Variants in LHFPL2 observed in about 807,000 individuals in gnomAD.
The protein encoded by LHFPL2 is LHFPL tetraspan subfamily member 2 protein.
Under a neutral mutation model 17.5 loss-of-function variants are expected in LHFPL2, and 7 were observed. The observed-to-expected ratio is 0.40, with a 90% confidence interval of 0.23 to 0.75. The LOEUF is 0.75. LHFPL2 is among the 30% of genes least tolerant of loss of function. LHFPL2 has a pLI of 0.37. For synonymous variants in LHFPL2, 134 were observed against 116.2 expected (o/e 1.15, Z -0.99); for missense variants, 241 against 294.8 (o/e 0.82, Z 1.34).
chr5:78,646,679 T>C (rs544400867), intron 1 of LHFPL2, among the ~76,000 whole-genome samples: 11 of 152,206 alleles, frequency 7.2e-5, no homozygotes, highest in Non-Finnish European at 8.8e-5. Context: ...GTTTTTTATA[T>C]ATTGTTTTTC....
chr5:78,638,532 T>G (rs534667565), intron 1 of LHFPL2, among the ~76,000 whole-genome samples: 19 of 152,330 alleles, frequency 1.2e-4, no homozygotes, highest in African/African-American at 4.3e-4. Flanking sequence ...TACCATGGAA[T>G]GCTGGCTCTT....
At chr5:78,570,118 C>CTT (rs531642334) in intron 2 of LHFPL2, among the ~76,000 whole-genome samples, 5 of 152,186 alleles carry the variant, frequency 3.3e-5, no homozygotes, top group Non-Finnish European at 7.3e-5. Context: ...GAGAACAAAA[C>CTT]TAATTCTAGC....
At chr5:78,610,908 CA>C (rs33938439) in intron 2 of LHFPL2, among the ~76,000 whole-genome samples, 60,866 of 143,654 alleles carry the variant, frequency 0.42, 12,374 homozygotes, top group Middle Eastern at 0.5. Flanking sequence ...AGACCATAAG[CA>C]AAAAAAAAAA....
chr5:78,505,316 A>G (rs1371192078), intron 4 of LHFPL2, among the ~76,000 whole-genome samples: 1 of 152,182 alleles, frequency 6.6e-6, no homozygotes, highest in African/African-American at 2.4e-5. Context: ...TGCCTCTGCC[A>G]AGTCCTTGGA....
At chr5:78,535,922 C>T (rs144347758) in intron 3 of LHFPL2, among the ~76,000 whole-genome samples, 1 of 152,306 alleles carries the variant, frequency 6.6e-6, no homozygotes, top group African/African-American at 2.4e-5. Flanking sequence ...TTCTGAGCAT[C>T]AGAATAACTG....
At chr5:78,509,715 A>T in intron 4 of LHFPL2, 69 bp downstream of exon 4, 6 of 1,488,950 alleles carry the variant, frequency 4.0e-6, no homozygotes, top group Non-Finnish European at 5.5e-6. Flanking sequence ...AATGCCCAGT[A>T]CCAGAGTGCG....
chr5:78,489,028 A>C lies in LHFPL2; in HGVS notation c.556T>G (p.Tyr186Asp), dbSNP rs1309653506. ...AGGACTGTGCCCCCAATGGCGGTATAAAAGGCCCAGCCCAAGGAGCAGTCT... is the reference window on the plus strand; with the variant it reads ...AGGACTGTGCCCCCAATGGCGGTATCAAAGGCCCAGCCCAAGGAGCAGTCT... ...PGDCSLGWAF[Y>D]TAIGGTVLTF... The change falls in exon 5 of 5, where the codon TAT (tyrosine) becomes GAT (aspartate). Residue 186 changes from tyrosine to aspartate, a missense_variant. Coordinates refer to ENST00000380345, the MANE Select transcript of LHFPL2 (RefSeq NM_005779.3). 6.2e-7 allele frequency: 1 copy of C among 1,614,132 alleles called. No individual in the cohort carries two copies.
chr5:78,645,543 T>TACAC (rs56911011), intron 1 of LHFPL2, among the ~76,000 whole-genome samples: 1,491 of 137,268 alleles, frequency 0.011, 7 homozygotes, highest in Middle Eastern at 0.015. Context: ...GACAGATGCA[T>TACAC]ACACACACAC....
intron 3 of LHFPL2, among the ~76,000 whole-genome samples, chr5:78,522,668 G>T (rs1755492812): frequency 6.6e-6 from 1 of 152,168 alleles, no homozygotes. Context: ...GACAATGGGG[G>T]TGGAGAGGGA....
chr5:78,573,585 C>A (rs1757057676), intron 2 of LHFPL2, among the ~76,000 whole-genome samples: 1 of 152,120 alleles, frequency 6.6e-6, no homozygotes, highest in South Asian at 2.1e-4. Context: ...AACAGAGGGA[C>A]CTGTAAGTTT....
chr5:78,530,451 C>T (rs1206290890), intron 3 of LHFPL2, among the ~76,000 whole-genome samples: 1 of 152,182 alleles, frequency 6.6e-6, no homozygotes, highest in Non-Finnish European at 1.5e-5. Flanking sequence ...TGTCTACACA[C>T]GGAACAGGGT....
chr5:78,531,824 T>C (rs1755792256), intron 3 of LHFPL2, among the ~76,000 whole-genome samples: 1 of 152,070 alleles, frequency 6.6e-6, no homozygotes, highest in Non-Finnish European at 1.5e-5. Flanking sequence ...ACAAGTGGTA[T>C]GATCTCGGCT....
chr5:78,612,013 G>A (rs897281751), intron 2 of LHFPL2, among the ~76,000 whole-genome samples: 2 of 151,808 alleles, frequency 1.3e-5, no homozygotes, highest in African/African-American at 4.9e-5. Flanking sequence ...CCGAAACAAC[G>A]AAACAACTAT....
At chr5:78,584,879 C>T (rs533346389) in intron 2 of LHFPL2, among the ~76,000 whole-genome samples, 1 of 152,274 alleles carries the variant, frequency 6.6e-6, no homozygotes, top group Admixed American at 6.5e-5. Flanking sequence ...ACCCCTCCCC[C>T]AGCCTCGCTG....
chr5:78,532,144 G>T (rs921442775), intron 3 of LHFPL2, among the ~76,000 whole-genome samples: 1 of 152,038 alleles, frequency 6.6e-6, no homozygotes, highest in East Asian at 1.9e-4. Flanking sequence ...GGCTGGTCTC[G>T]GATTCCTGAC....
At chr5:78,642,747 T>C (rs151058558) in intron 1 of LHFPL2, among the ~76,000 whole-genome samples, 2 of 152,276 alleles carry the variant, frequency 1.3e-5, no homozygotes, top group African/African-American at 2.4e-5. Context: ...TAGTTCAGTT[T>C]TGGATTCAAC....
At chr5:78,600,367 T>A (rs1031105032) in intron 2 of LHFPL2, among the ~76,000 whole-genome samples, 3 of 151,592 alleles carry the variant, frequency 2.0e-5, no homozygotes, top group Admixed American at 2.0e-4. Context: ...AAAAAAAAAA[T>A]TAAAATTACA....
intron 3 of LHFPL2, among the ~76,000 whole-genome samples, chr5:78,514,166 T>C (rs11749358): frequency 0.27 from 41,132 of 152,000 alleles, 5,823 homozygotes; most frequent in East Asian, 0.47. Flanking sequence ...ACAAAGCCCA[T>C]TTCATAAACT....
intron 4 of LHFPL2, among the ~76,000 whole-genome samples, chr5:78,505,432 AAGAG>A (rs1754903145): frequency 6.6e-6 from 1 of 152,162 alleles, no homozygotes; most frequent in African/African-American, 2.4e-5. Context: ...TGCCTCCAGA[AAGAG>A]AAGGAATGGA....
Sources: allele counts gnomAD v4.1 joint callset (sites outside exome capture counted in the v4.1 genomes callset), GRCh38; gene constraint gnomAD v4.1.1; transcripts MANE v1.5; gene names NCBI Gene and HGNC (gene_info 2026-07-23, HGNC 2026-07-21).